The following AKAP6 variants were observed in gnomAD, a reference collection of about 807,000 sequenced individuals.
The protein encoded by AKAP6 is A-kinase anchoring protein 6, also known as A-kinase anchor protein 6.
In AKAP6, 58 loss-of-function variants were observed where a neutral mutation model predicts 188.5. That is an observed-to-expected ratio of 0.31 (90% confidence interval 0.25 to 0.38). The LOEUF (loss-of-function observed/expected upper bound fraction) is 0.38, where lower values mean the gene tolerates loss of function less well. AKAP6 is among the 10% of genes least tolerant of loss of function. AKAP6 has a pLI of 1.00. For synonymous variants in AKAP6, 989 were observed against 998.6 expected, an observed-to-expected ratio of 0.99 and a Z score of 0.18; for missense variants, 2,710 against 2,740.0, an observed-to-expected ratio of 0.99 and a Z score of 0.24.
chr14:32,562,884 C>T (rs1227268097), intron 4 of AKAP6, among the ~76,000 whole-genome samples: 2 of 152,154 alleles, frequency 1.3e-5, no homozygotes, highest in African/African-American at 4.8e-5. Flanking sequence ...CTTATTACAT[C>T]TAAAGTTTTA....
At chr14:32,766,308 A>T (rs189651667) in intron 11 of AKAP6, among the ~76,000 whole-genome samples, 1 of 152,158 alleles carries the variant, frequency 6.6e-6, no homozygotes, top group Non-Finnish European at 1.5e-5. Context: ...GAATAATGCC[A>T]TTATGAATAT....
intron 4 of AKAP6, among the ~76,000 whole-genome samples, chr14:32,575,103 A>G (rs1042189994): frequency 1.3e-5 from 2 of 152,184 alleles, no homozygotes; most frequent in South Asian, 2.1e-4. Context: ...CACTCTACTG[A>G]GAAGACTGAG....
At chr14:32,542,774 C>G (rs1377184317) in intron 3 of AKAP6, among the ~76,000 whole-genome samples, 1 of 152,174 alleles carries the variant, frequency 6.6e-6, no homozygotes, top group Non-Finnish European at 1.5e-5. Context: ...TGGGCCTGGC[C>G]TTGAAAGGGT....
chr14:32,617,326 G>C (rs545945427), intron 7 of AKAP6, among the ~76,000 whole-genome samples: 18 of 151,834 alleles, frequency 1.2e-4, no homozygotes, highest in Non-Finnish European at 2.4e-4. Context: ...GGTTTATCTC[G>C]GTGGTCTGTC....
At chr14:32,702,742 C>A (rs952078799) in intron 9 of AKAP6, among the ~76,000 whole-genome samples, 15 of 152,144 alleles carry the variant, frequency 9.9e-5, no homozygotes, top group Non-Finnish European at 1.9e-4. Context: ...CCTGGCCTGG[C>A]TGGCTCTGGC....
At chr14:32,773,949 A>G in intron 12 of AKAP6, 56 bp downstream of exon 12, 2 of 1,545,428 alleles carry the variant, frequency 1.3e-6, no homozygotes, top group South Asian at 1.1e-5. Context: ...ACAAAAAATA[A>G]TTCTTTCAGG....
At chr14:32,627,724 G>A (rs1887084761) in intron 7 of AKAP6, among the ~76,000 whole-genome samples, 1 of 152,076 alleles carries the variant, frequency 6.6e-6, no homozygotes, top group Non-Finnish European at 1.5e-5. Flanking sequence ...AAAATCACCT[G>A]TTTGGACTTT....
intron 1 of AKAP6, among the ~76,000 whole-genome samples, chr14:32,358,011 A>C (rs1303673425): frequency 1.3e-5 from 2 of 152,240 alleles, no homozygotes; most frequent in African/African-American, 2.4e-5. Context: ...GAGGAAGAAG[A>C]AGCTAACTTT....
intron 1 of AKAP6, among the ~76,000 whole-genome samples, chr14:32,356,702 A>G (rs568119402): frequency 4.6e-5 from 7 of 152,060 alleles, no homozygotes; most frequent in Non-Finnish European, 7.4e-5. Flanking sequence ...TGTTCTGTCC[A>G]TATTCCCTTT....
intron 5 of AKAP6, among the ~76,000 whole-genome samples, chr14:32,578,562 T>G (rs1441670753): frequency 6.6e-6 from 1 of 152,180 alleles, no homozygotes; most frequent in African/African-American, 2.4e-5. Context: ...TATTCAGTGC[T>G]TTATGATGTA....
intron 2 of AKAP6, among the ~76,000 whole-genome samples, chr14:32,449,273 C>T (rs973338574): frequency 2.0e-5 from 3 of 151,994 alleles, no homozygotes; most frequent in Non-Finnish European, 2.9e-5. Context: ...TTTGGGAGGC[C>T]GAGGTGAGTG....
At chr14:32,449,792 CAG>C (rs1212153211) in intron 2 of AKAP6, among the ~76,000 whole-genome samples, 3 of 152,126 alleles carry the variant, frequency 2.0e-5, no homozygotes, top group Non-Finnish European at 4.4e-5. Flanking sequence ...GGCTGTCTTC[CAG>C]AATTTATAGG....
intron 2 of AKAP6, among the ~76,000 whole-genome samples, chr14:32,524,942 T>C (rs746100474): frequency 2.0e-5 from 3 of 152,182 alleles, no homozygotes; most frequent in Non-Finnish European, 4.4e-5. Context: ...GGAATATGCA[T>C]GGTTAACAAG....
At position 32,484,882 on chromosome 14, in the gene AKAP6, T is replaced by G. The variant is rs796801269; in HGVS notation, c.325-50672T>G. On this transcript the variant is annotated intron_variant, in intron 2 of 13. Transcript: ENST00000280979. Reference sequence around the variant, plus strand: ...GGGCTAAGCCTCTTTTTACCAGCTCTGAGGTGATTTTCATATTGAATTGCA... The same window carrying G: ...GGGCTAAGCCTCTTTTTACCAGCTCGGAGGTGATTTTCATATTGAATTGCA... The G allele has an allele frequency of 1.8e-5, 4 of 220,614 alleles. 2 individuals are homozygous for G. In the East Asian group the frequency reaches 9.4e-4, roughly 52 times the overall value. The allele number at this position is 220,614 out of a possible 1,614,324, so 13.7% of individuals were successfully genotyped here. A position where few individuals can be genotyped will look rare whatever the true frequency, so the allele number is the denominator to read the frequency against.
chr14:32,654,299 G>A (rs1888356901), intron 7 of AKAP6, among the ~76,000 whole-genome samples: 1 of 152,146 alleles, frequency 6.6e-6, no homozygotes, highest in East Asian at 1.9e-4. Context: ...CTCTGGGTCT[G>A]TTTTTCTGAC....
chr14:32,468,173 T>C (rs1878565262), intron 2 of AKAP6, among the ~76,000 whole-genome samples: 1 of 66,220 alleles, frequency 1.5e-5, no homozygotes, highest in South Asian at 3.4e-4. Flanking sequence ...GTGATTTTTC[T>C]ACTGAAAATG....
intron 1 of AKAP6, among the ~76,000 whole-genome samples, chr14:32,388,511 A>C (rs953809902): frequency 2.0e-5 from 3 of 152,092 alleles, no homozygotes; most frequent in Non-Finnish European, 4.4e-5. Context: ...TCCTCTTAAC[A>C]CTGCCTTTGC....
intron 7 of AKAP6, among the ~76,000 whole-genome samples, chr14:32,628,692 C>G (rs180799720): frequency 1.3e-5 from 2 of 151,026 alleles, no homozygotes; most frequent in East Asian, 3.9e-4. Context: ...CTCCCTTTTT[C>G]TCTTCCTTCC....
rs138654401 is a variant in AKAP6 at position 32,729,305 on chromosome 14, G to A, written c.3001-3149G>A. On this transcript the variant is annotated intron_variant, in intron 9 of 13. Coordinates refer to ENST00000280979, the MANE Select transcript of AKAP6 (RefSeq NM_004274.5). ...AAAAGGAGGGGGACTTCGGTGTGGC[G>A]GGGAAGCCTTTAGCGTAACTGTCAA... Among the ~76,000 whole-genome samples, 640 of 152,104 alleles carry A rather than the reference G, an allele frequency of 4.2e-3. 7 individuals are homozygous for A. The highest frequency in any genetic ancestry group is 0.014 in the African/African-American group (597 of 41,506).
Sources: allele counts gnomAD v4.1 joint callset (sites outside exome capture counted in the v4.1 genomes callset), GRCh38; gene constraint gnomAD v4.1.1; transcripts MANE v1.5; gene names NCBI Gene and HGNC (gene_info 2026-07-23, HGNC 2026-07-21).